The following PLD5 variants were observed in gnomAD, a reference collection of about 807,000 sequenced individuals.
PLD5 encodes inactive phospholipase D5.
A neutral mutation model predicts 61.1 loss-of-function variants in PLD5; 36 were observed. The ratio of observed to expected loss-of-function variants is 0.59; its 90% CI spans 0.45 to 0.78. PLD5 has a LOEUF of 0.78. PLD5 is among the 30% of genes least tolerant of loss of function. The probability of loss-of-function intolerance (pLI) is 0.00; values close to 1 mark genes in which losing one functional copy is unlikely to be tolerated. For missense variants in PLD5, 515 were observed against 644.4 expected (o/e 0.80, Z 2.17); for synonymous variants, 243 against 242.8 (o/e 1.00, Z -0.01).
At chr1:242,324,431 T>C (rs1368495619) in intron 2 of PLD5, among the ~76,000 whole-genome samples, 2 of 152,194 alleles carry the variant, frequency 1.3e-5, no homozygotes, top group Non-Finnish European at 2.9e-5. Context: ...TTGCAAAAAT[T>C]GTGACAGCGA....
At chr1:242,092,537 C>T (rs1659916173) in intron 9 of PLD5, among the ~76,000 whole-genome samples, 1 of 152,126 alleles carries the variant, frequency 6.6e-6, no homozygotes, top group Non-Finnish European at 1.5e-5. Flanking sequence ...TCTAAGCTCC[C>T]AGTTTTGTTA....
chr1:242,172,242 T>C (rs1666805286), intron 5 of PLD5, among the ~76,000 whole-genome samples: 1 of 152,210 alleles, frequency 6.6e-6, no homozygotes, highest in Admixed American at 6.5e-5. Flanking sequence ...ACTGCACAAC[T>C]ACATGGAAAC....
At chr1:242,118,054 A>G (rs1432315885) in intron 6 of PLD5, among the ~76,000 whole-genome samples, 3 of 152,212 alleles carry the variant, frequency 2.0e-5, no homozygotes, top group African/African-American at 7.2e-5. Flanking sequence ...GGGGAGGAAC[A>G]AATGTAGGCA....
At chr1:242,440,661 C>G (rs569368196) in intron 1 of PLD5, among the ~76,000 whole-genome samples, 1 of 152,230 alleles carries the variant, frequency 6.6e-6, no homozygotes, top group Non-Finnish European at 1.5e-5. Flanking sequence ...TAAAAGGGAT[C>G]TGAGATACAA....
At chr1:242,201,809 T>C (rs2148957344) in intron 5 of PLD5, among the ~76,000 whole-genome samples, 1 of 152,354 alleles carries the variant, frequency 6.6e-6, no homozygotes, top group South Asian at 2.1e-4. Context: ...TACATTATTT[T>C]CATAAGTAGT....
chr1:242,400,194 A>G (rs953843061), intron 1 of PLD5, among the ~76,000 whole-genome samples: 1 of 152,022 alleles, frequency 6.6e-6, no homozygotes, highest in Non-Finnish European at 1.5e-5. Context: ...AAAAGAAAAA[A>G]AAAAAAGAAT....
At chr1:242,490,564 T>C (rs1036077560) in intron 1 of PLD5, among the ~76,000 whole-genome samples, 2 of 152,234 alleles carry the variant, frequency 1.3e-5, no homozygotes, top group African/African-American at 4.8e-5. Flanking sequence ...ATGTCTAGGT[T>C]CCTCATTTGC....
At chr1:242,338,967 A>T (rs893323017) in intron 2 of PLD5, among the ~76,000 whole-genome samples, 1 of 152,194 alleles carries the variant, frequency 6.6e-6, no homozygotes, top group Non-Finnish European at 1.5e-5. Context: ...AAAAAAGTAT[A>T]GCATCAGACT....
intron 1 of PLD5, among the ~76,000 whole-genome samples, chr1:242,358,021 T>TG (rs1660854368): frequency 6.6e-6 from 1 of 152,198 alleles, no homozygotes; most frequent in Non-Finnish European, 1.5e-5. Context: ...AGCAGACTGT[T>TG]GAAGTCTTTA....
At chr1:242,525,744 A>C (rs1375809465), upstream of PLD5, among the ~76,000 whole-genome samples, 1 of 152,212 alleles carries the variant, frequency 6.6e-6, no homozygotes, top group East Asian at 1.9e-4. Context: ...GCCCTACTTG[A>C]ATGACGGTTT....
chr1:242,349,671 C>T (rs1660362758), intron 1 of PLD5, among the ~76,000 whole-genome samples: 1 of 152,064 alleles, frequency 6.6e-6, no homozygotes, highest in African/African-American at 2.4e-5. Context: ...TCTCTAGGGG[C>T]TCATGGCTAA....
chr1:242,523,256 C>T (rs1407549075), intron 1 of PLD5, among the ~76,000 whole-genome samples: 1 of 152,088 alleles, frequency 6.6e-6, no homozygotes, highest in Non-Finnish European at 1.5e-5. Context: ...TGAGATAATT[C>T]TCTTAGTTTA....
At chr1:242,466,662 G>A (rs1419115566) in intron 1 of PLD5, among the ~76,000 whole-genome samples, 2 of 152,136 alleles carry the variant, frequency 1.3e-5, no homozygotes, top group South Asian at 4.1e-4. Flanking sequence ...ATAGGCCAAG[G>A]CGGGCAGATG....
chr1:242,427,777 A>G (rs1294259960), intron 1 of PLD5, among the ~76,000 whole-genome samples: 1 of 152,220 alleles, frequency 6.6e-6, no homozygotes, highest in Non-Finnish European at 1.5e-5. Context: ...GATGACTTTA[A>G]CTGCCACTGC....
At chr1:242,247,137 C>T (rs1213445711) in intron 4 of PLD5, among the ~76,000 whole-genome samples, 5 of 152,030 alleles carry the variant, frequency 3.3e-5, no homozygotes, top group Non-Finnish European at 7.3e-5. Context: ...GCGCCCGCCA[C>T]CATGCCCGGC....
chr1:242,343,123 C>T (rs1024902703), intron 2 of PLD5, among the ~76,000 whole-genome samples: 1 of 151,850 alleles, frequency 6.6e-6, no homozygotes, highest in East Asian at 1.9e-4. Flanking sequence ...AGAAAGAGTA[C>T]ACCAGATGAA....
At chr1:242,332,048 CCT>C (rs896045695) in intron 2 of PLD5, among the ~76,000 whole-genome samples, 5 of 152,224 alleles carry the variant, frequency 3.3e-5, no homozygotes, top group South Asian at 2.1e-4. Flanking sequence ...CCTCCCACCC[CCT>C]GACAGACCCC....
chr1:242,338,154 TG>T (rs565602497), intron 2 of PLD5, among the ~76,000 whole-genome samples: 69 of 152,292 alleles, frequency 4.5e-4, no homozygotes, highest in African/African-American at 1.3e-3. Flanking sequence ...TTACTTTAAC[TG>T]GAAGTTCTGA....
intron 1 of PLD5, among the ~76,000 whole-genome samples, chr1:242,406,591 C>A (rs1302659736): frequency 6.6e-6 from 1 of 152,198 alleles, no homozygotes; most frequent in Non-Finnish European, 1.5e-5. Context: ...TTTTGATAAA[C>A]AAGCTAGGAA....
Sources: gnomAD v4.1 joint callset for allele counts (sites outside exome capture counted in the v4.1 genomes callset) on GRCh38, gnomAD v4.1.1 for gene constraint, MANE v1.5 for transcripts, NCBI Gene and HGNC (gene_info 2026-07-23, HGNC 2026-07-21) for gene names.